Variants in CREB5 observed in about 807,000 individuals in gnomAD.
The protein encoded by CREB5 is cAMP responsive element binding protein 5, also known as cyclic AMP-responsive element-binding protein 5.
Under a neutral mutation model 57.1 loss-of-function variants are expected in CREB5, and 19 were observed. The observed-to-expected ratio is 0.33, with a 90% confidence interval of 0.23 to 0.49. The LOEUF is 0.49. Among genes scored for constraint, CREB5 ranks in the 20% least tolerant of loss-of-function variants. The pLI is 0.99. For synonymous variants in CREB5, 238 were observed against 238.3 expected, an observed-to-expected ratio of 1.00 and a Z score of 0.01; for missense variants, 579 against 671.6, an observed-to-expected ratio of 0.86 and a Z score of 1.52.
chr7:28,523,664 C>T (rs1487436969), intron 4 of CREB5, among the ~76,000 whole-genome samples: 1 of 152,220 alleles, frequency 6.6e-6, no homozygotes, highest in Non-Finnish European at 1.5e-5. Flanking sequence ...GCCATCCTCC[C>T]TGAAACTGCT....
chr7:28,305,192 TG>T (rs1042000233), intron 1 of CREB5, among the ~76,000 whole-genome samples: 2 of 152,222 alleles, frequency 1.3e-5, no homozygotes, highest in African/African-American at 4.8e-5. Flanking sequence ...CCTGTTCTTC[TG>T]GGGCAGAACT....
chr7:28,324,102 G>T (rs1012428296), intron 1 of CREB5, among the ~76,000 whole-genome samples: 5 of 152,160 alleles, frequency 3.3e-5, no homozygotes, highest in African/African-American at 1.2e-4. Flanking sequence ...CTCACCTCAC[G>T]CTGTGCGGTC....
intron 1 of CREB5, among the ~76,000 whole-genome samples, chr7:28,368,742 T>C (rs1250487832): frequency 6.6e-6 from 1 of 152,232 alleles, no homozygotes; most frequent in Non-Finnish European, 1.5e-5. Flanking sequence ...ATAGCAAATA[T>C]TCTACTAGAA....
intron 4 of CREB5, among the ~76,000 whole-genome samples, chr7:28,509,541 A>G (rs1792616383): frequency 6.6e-6 from 1 of 152,170 alleles, no homozygotes; most frequent in South Asian, 2.1e-4. Context: ...TGACGAGCAT[A>G]TTTTACTTCC....
chr7:28,643,504 T>C (rs1171672040), intron 5 of CREB5, among the ~76,000 whole-genome samples: 1 of 152,174 alleles, frequency 6.6e-6, no homozygotes, highest in Non-Finnish European at 1.5e-5. Flanking sequence ...CACAGATAGA[T>C]ACACATCCTT....
intron 1 of CREB5, among the ~76,000 whole-genome samples, chr7:28,354,419 C>T (rs958311983): frequency 3.9e-5 from 6 of 152,124 alleles, no homozygotes; most frequent in African/African-American, 1.4e-4. Context: ...CTGATGCTTC[C>T]TGCTCTCGAA....
intron 1 of CREB5, among the ~76,000 whole-genome samples, chr7:28,482,669 T>C (rs908733855): frequency 8.5e-5 from 13 of 152,340 alleles, no homozygotes; most frequent in East Asian, 5.8e-4. Flanking sequence ...AGGAGAGTGA[T>C]AAATGCTGAT....
intron 1 of CREB5, among the ~76,000 whole-genome samples, chr7:28,487,177 C>T (rs776346709): frequency 7.2e-5 from 11 of 151,928 alleles, no homozygotes; most frequent in Non-Finnish European, 1.2e-4. Context: ...CCACCACGCC[C>T]GGCTAATTTT....
chr7:28,560,845 CGCGTGTGTGT>C lies in CREB5; in HGVS notation c.292-9518_292-9509del, dbSNP rs1795100843. ...GTGCGCGCGCGCGCGTGTGTGTGTG[CGCGTGTGTGT>C]GTGCGTGTGCCTGCGTGCGCGTGCG... On this transcript the variant is annotated intron_variant, in intron 4 of 10. Transcript: ENST00000357727. Among the ~76,000 whole-genome samples, 24 of 41,360 alleles carry C rather than the reference CGCGTGTGTGT, an allele frequency of 5.8e-4. 3 individuals carry two copies. Among genetic ancestry groups the C allele is most frequent in the African/African-American group, 1.8e-3 (22 of 12,508 alleles). 27.1% of individuals were successfully genotyped at this position (41,360 alleles called of 152,430 possible). A position where few individuals can be genotyped will look rare whatever the true frequency, so the allele number is the denominator to read the frequency against.
chr7:28,533,756 C>T (rs1196941867), intron 4 of CREB5, among the ~76,000 whole-genome samples: 2 of 152,156 alleles, frequency 1.3e-5, no homozygotes, highest in East Asian at 1.9e-4. Context: ...CTTCTTGATA[C>T]AGCAACCAAA....
At chr7:28,803,876 C>T (rs549225607) in intron 7 of CREB5, among the ~76,000 whole-genome samples, 10 of 151,568 alleles carry the variant, frequency 6.6e-5, no homozygotes, top group African/African-American at 2.4e-4. Context: ...GTTGTAGATA[C>T]GATATAATGC....
chr7:28,475,297 G>A (rs374784348), intron 1 of CREB5, among the ~76,000 whole-genome samples: 10 of 111,120 alleles, frequency 9.0e-5, no homozygotes, highest in East Asian at 2.9e-4. Flanking sequence ...TAGGCTAGGC[G>A]TGGTGGCTCA....
intron 5 of CREB5, among the ~76,000 whole-genome samples, chr7:28,654,500 T>TAGGGTAGG (rs145758744): frequency 0.014 from 2,177 of 152,342 alleles, 64 homozygotes; most frequent in Admixed American, 0.066. Context: ...CATCATAGGC[T>TAGGGTAGG]AGTAGTAGGC....
At chr7:28,719,491 A>T (rs1421285875) in intron 6 of CREB5, among the ~76,000 whole-genome samples, 1 of 152,234 alleles carries the variant, frequency 6.6e-6, no homozygotes, top group Non-Finnish European at 1.5e-5. Flanking sequence ...TGAGAAGCAG[A>T]GTGGCTGAGT....
chr7:28,551,919 T>TTTC (rs1794669661), intron 4 of CREB5, among the ~76,000 whole-genome samples: 1 of 147,840 alleles, frequency 6.8e-6, no homozygotes, highest in African/African-American at 2.6e-5. Context: ...TTCTTTCTCT[T>TTTC]TTTTCTTTCT....
chr7:28,680,768 CAAAA>C (rs539406574), intron 5 of CREB5, among the ~76,000 whole-genome samples: 139 of 134,178 alleles, frequency 1.0e-3, no homozygotes, highest in African/African-American at 3.6e-3. Flanking sequence ...CAACCTATCT[CAAAA>C]AAAAAAAAAA....
At chr7:28,386,290 A>C (rs1239714695) in intron 1 of CREB5, among the ~76,000 whole-genome samples, 1 of 152,184 alleles carries the variant, frequency 6.6e-6, no homozygotes, top group East Asian at 1.9e-4. Context: ...ATTTTACCCT[A>C]ATACATTTTC....
At chr7:28,393,683 G>A (rs1423270214) in intron 1 of CREB5, among the ~76,000 whole-genome samples, 1 of 152,214 alleles carries the variant, frequency 6.6e-6, no homozygotes, top group Non-Finnish European at 1.5e-5. Context: ...TTAGGAATAA[G>A]TGAAAGGAAT....
intron 5 of CREB5, among the ~76,000 whole-genome samples, chr7:28,693,304 T>A (rs1801372775): frequency 1.3e-5 from 2 of 152,254 alleles, no homozygotes. Flanking sequence ...GTCAGGAGAC[T>A]GCATTGTGTG....
Sources: allele counts gnomAD v4.1 joint callset (sites outside exome capture counted in the v4.1 genomes callset), GRCh38; gene constraint gnomAD v4.1.1; transcripts MANE v1.5; gene names NCBI Gene and HGNC (gene_info 2026-07-23, HGNC 2026-07-21).